HDAC9: variants seen among roughly 807,000 people sequenced by gnomAD.
HDAC9 encodes MEF-2 interacting transcription repressor (MITR) protein.
A neutral mutation model predicts 139.4 loss-of-function variants in HDAC9; 41 were observed. That is an observed-to-expected ratio of 0.29 (90% CI 0.23 to 0.38). The LOEUF is 0.38. HDAC9 is among the 10% of genes least tolerant of loss of function. The probability of loss-of-function intolerance (pLI) is 1.00; values close to 1 mark genes in which losing one functional copy is unlikely to be tolerated. For missense variants in HDAC9, 1,147 were observed against 1,297.0 expected (o/e 0.88, Z 1.78); for synonymous variants, 517 against 476.2 (o/e 1.09, Z -1.12).
intron 1 of HDAC9, among the ~76,000 whole-genome samples, chr7:18,483,829 C>T (rs957817858): frequency 1.3e-5 from 2 of 152,054 alleles, no homozygotes; most frequent in South Asian, 2.1e-4. Context: ...ACTGTCTAAA[C>T]ATTGTGTTAT....
chr7:18,804,267 C>G (rs1793528348), intron 17 of HDAC9, among the ~76,000 whole-genome samples: 1 of 152,072 alleles, frequency 6.6e-6, no homozygotes, highest in African/African-American at 2.4e-5. Context: ...GGCAAATAAG[C>G]AGGTCTTGAC....
chr7:18,548,282 C>T (rs1257688342), intron 2 of HDAC9, among the ~76,000 whole-genome samples: 1 of 152,014 alleles, frequency 6.6e-6, no homozygotes, highest in East Asian at 1.9e-4. Context: ...ACACTAGTAA[C>T]ATCAAAGATC....
intron 16 of HDAC9, among the ~76,000 whole-genome samples, chr7:18,771,304 AT>A (rs1458765669): frequency 1.3e-5 from 2 of 152,060 alleles, no homozygotes; most frequent in Non-Finnish European, 2.9e-5. Flanking sequence ...ACACTTAGGA[AT>A]GTCATTTTTG....
rs767473964 is a variant in HDAC9, at chr7:18,721,822, A to C, written c.1732-5758A>C. The stretch of plus-strand genomic sequence containing the variant: ...ATTTCCTTAACTCAGGGACCTTAGC[A>C]CTTCGTAGTCTCCATTAGCAGGCCA... On this transcript the variant is annotated intron_variant, in intron 12 of 25. Coordinates refer to ENST00000686413, the MANE Select transcript of HDAC9 (RefSeq NM_178425.4). Among the ~76,000 whole-genome samples, 43 of 152,322 alleles carry C rather than the reference A, an allele frequency of 2.8e-4. 1 individual carries two copies. In the East Asian group the frequency reaches 7.9e-3, roughly 28 times the overall value.
intron 1 of HDAC9, among the ~76,000 whole-genome samples, chr7:18,390,815 A>G (rs1361970461): frequency 6.6e-6 from 1 of 152,222 alleles, no homozygotes; most frequent in Non-Finnish European, 1.5e-5. Flanking sequence ...TGGGCTGGGC[A>G]TGGTGGCTCA....
chr7:18,825,134 G>A (rs1236042720), intron 17 of HDAC9, among the ~76,000 whole-genome samples: 1 of 152,142 alleles, frequency 6.6e-6, no homozygotes, highest in Non-Finnish European at 1.5e-5. Flanking sequence ...TGAGTACATG[G>A]GCTAATATAT....
At chr7:18,451,391 G>GTATATATATA (rs1563001098) in intron 1 of HDAC9, among the ~76,000 whole-genome samples, 19 of 142,382 alleles carry the variant, frequency 1.3e-4, no homozygotes, top group African/African-American at 4.9e-4. Flanking sequence ...GTGTGTGTGT[G>GTATATATATA]TGTGTGTGTG....
intron 16 of HDAC9, among the ~76,000 whole-genome samples, chr7:18,772,690 CTG>C (rs1790417807): frequency 6.6e-6 from 1 of 152,026 alleles, no homozygotes; most frequent in South Asian, 2.1e-4. Flanking sequence ...CTCTTCCTAA[CTG>C]TATCTGGATT....
intron 2 of HDAC9, among the ~76,000 whole-genome samples, chr7:18,551,046 C>A (rs1816960711): frequency 6.6e-6 from 1 of 152,058 alleles, no homozygotes; most frequent in African/African-American, 2.4e-5. Flanking sequence ...TCAAAAAACC[C>A]TCAGGATATT....
intron 22 of HDAC9, among the ~76,000 whole-genome samples, chr7:18,911,208 T>A (rs1023253668): frequency 6.6e-6 from 1 of 151,656 alleles, no homozygotes; most frequent in Non-Finnish European, 1.5e-5. Flanking sequence ...ATGTATCTAT[T>A]TCCTCTAGGT....
At chr7:18,240,596 A>T (rs1642243683) in intron 2 of HDAC9, among the ~76,000 whole-genome samples, 1 of 151,454 alleles carries the variant, frequency 6.6e-6, no homozygotes, top group Non-Finnish European at 1.5e-5. Context: ...CCATGATTTA[A>T]TTTTTTTTTG....
chr7:18,847,429 T>C (rs946714518), intron 21 of HDAC9, among the ~76,000 whole-genome samples: 1 of 151,946 alleles, frequency 6.6e-6, no homozygotes, highest in African/African-American at 2.4e-5. Context: ...AAAAAAAGAG[T>C]ACAACACCTC....
At chr7:18,616,944 T>TA (rs1318941700) in intron 6 of HDAC9, among the ~76,000 whole-genome samples, 2 of 152,168 alleles carry the variant, frequency 1.3e-5, no homozygotes, top group Non-Finnish European at 2.9e-5. Context: ...ATTAGACGTT[T>TA]AAAAAATGTA....
chr7:18,432,230 A>G (rs1790744692), intron 1 of HDAC9, among the ~76,000 whole-genome samples: 1 of 152,202 alleles, frequency 6.6e-6, no homozygotes, highest in Non-Finnish European at 1.5e-5. Context: ...CTCTGAACTG[A>G]TTGGGAAGCT....
chr7:18,409,593 C>G (rs1000993417), intron 1 of HDAC9, among the ~76,000 whole-genome samples: 1 of 152,082 alleles, frequency 6.6e-6, no homozygotes, highest in African/African-American at 2.4e-5. Flanking sequence ...GTAAATCTGT[C>G]ATTTTATTTT....
chr7:18,183,893 A>G (rs1789700685), intron 2 of HDAC9, among the ~76,000 whole-genome samples: 1 of 152,144 alleles, frequency 6.6e-6, no homozygotes, highest in Admixed American at 6.5e-5. Flanking sequence ...GTGCCCTGAA[A>G]CTTTTTTCAT....
intron 2 of HDAC9, among the ~76,000 whole-genome samples, chr7:18,263,154 A>T (rs993788367): frequency 6.6e-6 from 1 of 152,170 alleles, no homozygotes; most frequent in Middle Eastern, 3.2e-3. Context: ...AGAATGTAGA[A>T]AGTAAAAGAA....
At chr7:18,259,879 A>G (rs927279194) in intron 2 of HDAC9, among the ~76,000 whole-genome samples, 1 of 152,230 alleles carries the variant, frequency 6.6e-6, no homozygotes, top group African/African-American at 2.4e-5. Flanking sequence ...ATTTTATAGT[A>G]TACCAGTCGT....
intron 11 of HDAC9, among the ~76,000 whole-genome samples, chr7:18,655,110 G>C (rs1790678962): frequency 6.6e-6 from 1 of 152,164 alleles, no homozygotes; most frequent in African/African-American, 2.4e-5. Flanking sequence ...TCTATGGGTG[G>C]TTGGAAAATG....
Sources: allele counts gnomAD v4.1 joint callset (sites outside exome capture counted in the v4.1 genomes callset), GRCh38; gene constraint gnomAD v4.1.1; transcripts MANE v1.5; gene names NCBI Gene and HGNC (gene_info 2026-07-23, HGNC 2026-07-21).